TTN: variants seen among roughly 807,000 people sequenced by gnomAD.
TTN encodes the protein connectin.
A neutral mutation model predicts 3,223.0 loss-of-function variants in TTN; 1,525 were observed. The observed-to-expected ratio is 0.47, with a 90% CI of 0.45 to 0.49. TTN has a LOEUF of 0.49. Ranked by LOEUF, TTN falls within the 20% of genes least tolerant of loss-of-function variation. The probability of loss-of-function intolerance (pLI) is 0.00; values close to 1 mark genes in which losing one functional copy is unlikely to be tolerated. For synonymous variants in TTN, 14,094 were observed against 15,161.0 expected (o/e 0.93, Z 5.17); for missense variants, 40,786 against 43,424.0 (o/e 0.94, Z 5.40).
chr2:178,543,384 C>A lies in TTN; in HGVS notation c.96589G>T (p.Val32197Leu), dbSNP rs1296702975. 6 of 1,613,882 alleles carry A rather than the reference C, an allele frequency of 3.7e-6. No individual in the cohort carries two copies. The South Asian group carries it at 4.4e-5, about 12-fold the overall frequency. ...ACCAAAGGCACTTCTGAGACCAGTA[C>A]TGCATCAGATGTTTCACAAGGTTCT... ...IGEPCETSDA[V>L]LVSEVPLVPA... The change falls in exon 347 of 363, where the codon GTA becomes TTA. Residue 32197 changes from valine to leucine, a missense_variant. Physicochemically the swap from Val to Leu is conservative, Grantham distance 32 (BLOSUM62 1). Transcript: ENST00000589042.
chr2:178,627,814 A>G (rs756928605), intron 240 of TTN, among the ~76,000 whole-genome samples: 1 of 151,994 alleles, frequency 6.6e-6, no homozygotes, highest in Non-Finnish European at 1.5e-5. Context: ...AAATAATATC[A>G]TTTGTCTTTA....
chr2:178,644,500 AG>A, intron 218 of TTN, 47 bp downstream of exon 218: 1 of 1,364,638 alleles, frequency 7.3e-7, no homozygotes, highest in Non-Finnish European at 9.9e-7. Flanking sequence ...GCAAGGAGTC[AG>A]GTAAAGGGGT....
intron 307 of TTN, 50 bp downstream of exon 307, chr2:178,587,068 G>C: frequency 4.4e-6 from 7 of 1,603,840 alleles, no homozygotes; most frequent in Non-Finnish European, 6.0e-6. Context: ...TCTTGACCTT[G>C]CTAAAATAGG....
Position 178,710,760 on chromosome 2 carries a change from C to G in TTN, c.28337G>C (p.Ser9446Thr). 6.2e-7 allele frequency: 1 copy of G among 1,613,912 alleles called. No homozygotes were observed. The change falls in exon 98 of 363, where the codon AGT becomes ACT. Residue 9446 changes from serine to threonine, a missense_variant. By Grantham distance (58) the Ser-to-Thr change is moderately conservative. Coordinates refer to ENST00000589042, the MANE Select transcript of TTN (RefSeq NM_001267550.2). Reference sequence around the variant, plus strand: ...CAGGTGGGCGCTGTTTTCCAGATAACTAATCTGGTACTTTCCGCCACTTCG... The same window carrying G: ...CAGGTGGGCGCTGTTTTCCAGATAAGTAATCTGGTACTTTCCGCCACTTCG... ...EIRSGGKYQI[S>T]YLENSAHLTV... is the part of the protein sequence containing the mutation.
rs886055259 is a variant in TTN at position 178,593,224 on chromosome 2, T to C, written c.58984A>G (p.Ile19662Val). The C allele has an allele frequency of 8.7e-6, 14 of 1,613,334 alleles. No individual in the cohort carries two copies. The East Asian group carries it at 3.1e-4, about 36-fold the overall frequency. ...TTGGATGGTGGGCTTGGATCTCCAATACCAATTTCATTTTCTGCAGAAACC... is the reference window on the plus strand; with the variant it reads ...TTGGATGGTGGGCTTGGATCTCCAACACCAATTTCATTTTCTGCAGAAACC... ...FRVSAENEIGIGDPSPPSKPV... is the reference protein window; with the variant it reads ...FRVSAENEIGVGDPSPPSKPV... The change falls in exon 299 of 363, where the codon ATT (isoleucine) becomes GTT (valine). Residue 19662 changes from isoleucine to valine, a missense_variant. Physicochemically the swap from Ile to Val is conservative, Grantham distance 29. Transcript: ENST00000589042.
chr2:178,527,097 T>C lies in TTN; in HGVS notation c.107891A>G (p.Gln35964Arg). Residue 35964 changes from glutamine to arginine, a missense_variant, in exon 363 of 363, where the codon CAA becomes CGA. Coordinates refer to ENST00000589042, the MANE Select transcript of TTN (RefSeq NM_001267550.2). ...ACTCAGGGTATAAAGTCCACCATCT[T>C]GTTTCTGTACGTCCATGATGATCAG... is the stretch of plus-strand genomic sequence containing the variant. ...TTLIIMDVQK[Q>R]DGGLYTLSLG... 3 of 1,613,980 alleles carry C rather than the reference T, an allele frequency of 1.9e-6. No homozygotes were observed. The highest frequency in any genetic ancestry group is 2.5e-6 in the Non-Finnish European group (3 of 1,179,878).
At chr2:178,797,452 C>T (rs2154357424) in intron 6 of TTN, among the ~76,000 whole-genome samples, 1 of 151,720 alleles carries the variant, frequency 6.6e-6, no homozygotes, top group African/African-American at 2.4e-5. Flanking sequence ...TTTTGTGTTG[C>T]ATTTTTTTCC....
At chr2:178,698,949 T>G in intron 111 of TTN, 35 bp from the exon 112 acceptor site, 1 of 1,475,468 alleles carries the variant, frequency 6.8e-7, no homozygotes, top group Non-Finnish European at 8.9e-7. Flanking sequence ...AAAGAAAAAA[T>G]ATTTCTGGTG....
chr2:178,605,891 C>A (rs1296300226), intron 278 of TTN, among the ~76,000 whole-genome samples, 178 bp from the exon 279 acceptor site: 5 of 151,940 alleles, frequency 3.3e-5, no homozygotes, highest in Non-Finnish European at 7.4e-5. Flanking sequence ...TTCATGTAGA[C>A]AGAATTTTTC....
chr2:178,590,349 C>CT lies in TTN; in HGVS notation c.61375dup (p.Arg20459LysfsTer21), dbSNP rs1360261535. 6.4e-7 allele frequency: 1 copy of CT among 1,573,206 alleles called. No homozygotes were observed. Among genetic ancestry groups the CT allele is most frequent in the East Asian group, 2.3e-5 (1 of 44,438 alleles). ...TGCAATCACAGATTCTGCTAGTTCTCTTGGCTCACCCTCTCCTACAATATT... is the reference window on the plus strand; with the variant it reads ...TGCAATCACAGATTCTGCTAGTTCTCTTTGGCTCACCCTCTCCTACAATATT... On this transcript the variant is annotated frameshift_variant, in exon 304 of 363. Transcript: ENST00000589042. LOFTEE classifies it high-confidence loss of function.
chr2:178,673,064 A>C (rs2067296612), intron 152 of TTN, among the ~76,000 whole-genome samples: 1 of 151,684 alleles, frequency 6.6e-6, no homozygotes. Context: ...TCTGCTGTGC[A>C]CTCTTCTATT....
Position 178,663,828 on chromosome 2 carries a change from G to A in TTN, c.36439C>T (p.Pro12147Ser). The A allele has an allele frequency of 6.2e-7, 1 of 1,613,502 alleles. No homozygotes were observed. The highest frequency in any genetic ancestry group is 8.5e-7 in the Non-Finnish European group (1 of 1,179,814). Residue 12147 changes from proline to serine, a missense_variant, in exon 170 of 363, where the codon CCT (proline) becomes TCT (serine). Physicochemically the swap from Pro to Ser is moderately conservative, Grantham distance 74. Coordinates refer to ENST00000589042, the MANE Select transcript of TTN (RefSeq NM_001267550.2). ...LAPPKEPEVP[P>S]VKVPEPPKEV... ...GGTCAGTGGCAACTACCTTTAACAG[G>A]TGGGACTTCAGGCTCTTTAGGAGGA... is the stretch of plus-strand genomic sequence containing the variant.
Position 178,712,057 on chromosome 2 carries a change from T to G in TTN, c.27773A>C (p.Asn9258Thr). The change falls in exon 96 of 363, where the codon AAT becomes ACT. Residue 9258 changes from asparagine (N) to threonine (T), a missense_variant. Coordinates refer to ENST00000589042, the MANE Select transcript of TTN (RefSeq NM_001267550.2). ...TTTYKMHFRN[N>T]VATLVFNQVD... ...CTGGTTGAAAACCAGTGTAGCAACA[T>G]TATTCCTAAAATGCATTTTGTAAGT... is the stretch of plus-strand genomic sequence containing the variant. 2 of 1,613,798 alleles carry G rather than the reference T, an allele frequency of 1.2e-6. No individual in the cohort carries two copies. Among genetic ancestry groups the G allele is most frequent in the Non-Finnish European group, 1.7e-6 (2 of 1,179,770 alleles).
rs199646089 is a variant in TTN at position 178,567,218 on chromosome 2, G to C, written c.78914C>G (p.Ser26305Cys). Residue 26305 changes from serine (S) to cysteine (C), a missense_variant, in exon 326 of 363, where the codon TCT becomes TGT. Physicochemically the swap from Ser to Cys is moderately radical, Grantham distance 112. Coordinates refer to ENST00000589042, the MANE Select transcript of TTN (RefSeq NM_001267550.2). ...QVTGVTSEKC[S>C]LTWSPPLQDG... ...TTGAAGTGGTGGAGACCATGTTAAA[G>C]AGCATTTTTCAGAAGTGACTCCAGT... 3.0e-5 allele frequency: 48 copies of C among 1,609,984 alleles called. No individual in the cohort carries two copies. The African/African-American group carries it at 6.4e-4, about 22-fold the overall frequency.
At chr2:178,687,746 A>C (rs749585565) in intron 127 of TTN, among the ~76,000 whole-genome samples, 1 of 152,356 alleles carries the variant, frequency 6.6e-6, no homozygotes, top group South Asian at 2.1e-4. Context: ...AACACCAATT[A>C]GGCATTAGGC....
chr2:178,612,517 G>T lies in TTN; in HGVS notation c.50008C>A (p.Leu16670Ile). 1 of 1,611,886 alleles carries T rather than the reference G, an allele frequency of 6.2e-7. No homozygotes were observed. Among genetic ancestry groups the T allele is most frequent in the South Asian group, 1.1e-5 (1 of 91,012 alleles). Residue 16670 changes from leucine to isoleucine, a missense_variant, in exon 266 of 363, where the codon CTA (leucine) becomes ATA (isoleucine). Physicochemically the swap from Leu to Ile is conservative, Grantham distance 5. Transcript: ENST00000589042. ...VINITKNTAD[L>I]KWTVPEKDGG... ...TCTTTCTCAGGAACTGTCCATTTTA[G>T]GTCTGCTGTATTTTTTGTGATATTA...
At chr2:178,767,276 T>C (rs2090628274) in intron 40 of TTN, among the ~76,000 whole-genome samples, 1 of 152,140 alleles carries the variant, frequency 6.6e-6, no homozygotes, top group Non-Finnish European at 1.5e-5. Context: ...ACAGCAAGAG[T>C]GCCCAGCATC....
In TTN at chr2:178,587,106, C is replaced by T. The variant is rs761284152; in HGVS notation, c.64093+12G>A. 1.1e-5 allele frequency: 18 copies of T among 1,612,846 alleles called. No homozygotes were observed. In the South Asian group the frequency reaches 1.9e-4, roughly 17 times the overall value. On this transcript the variant is annotated intron_variant, in intron 307 of 362. Coordinates refer to ENST00000589042, the MANE Select transcript of TTN (RefSeq NM_001267550.2). ...ACTGGGGTTAAAAGGAGGAAGAAAG[C>T]ATAATACTTACTTAGAGGATCTGAT...
chr2:178,709,949 T>C, intron 98 of TTN, 93 bp from the exon 99 acceptor site: 1 of 1,350,118 alleles, frequency 7.4e-7, no homozygotes, highest in African/African-American at 1.5e-5. Flanking sequence ...TATTTTTAGT[T>C]AAAAATCAAG....
Sources: gnomAD v4.1 joint callset for allele counts (sites outside exome capture counted in the v4.1 genomes callset) on GRCh38, gnomAD v4.1.1 for gene constraint, MANE v1.5 for transcripts, NCBI Gene and HGNC (gene_info 2026-07-23, HGNC 2026-07-21) for gene names.